Variants in PLCE1 observed in about 807,000 individuals in gnomAD.
The protein encoded by PLCE1 is phospholipase C epsilon 1.
In PLCE1, 119 loss-of-function variants were observed where a neutral mutation model predicts 242.8. The observed-to-expected ratio is 0.49, with a 90% CI of 0.42 to 0.57. PLCE1 has a LOEUF of 0.57. PLCE1 is among the 20% of genes least tolerant of loss of function. The pLI, the probability that PLCE1 is intolerant of heterozygous loss-of-function variation, is 0.00. For synonymous variants in PLCE1, 945 were observed against 1,017.4 expected (o/e 0.93, Z 1.35); for missense variants, 2,441 against 2,788.8 (o/e 0.88, Z 2.81).
At chr10:94,114,384 C>T (rs2046051877) in intron 2 of PLCE1, among the ~76,000 whole-genome samples, 1 of 152,186 alleles carries the variant, frequency 6.6e-6, no homozygotes, top group Admixed American at 6.5e-5. Context: ...ACTGTGTCCA[C>T]CCAGGATCTC....
intron 3 of PLCE1, among the ~76,000 whole-genome samples, chr10:94,159,493 A>G (rs1177717373): frequency 6.6e-6 from 1 of 152,208 alleles, no homozygotes; most frequent in Non-Finnish European, 1.5e-5. Flanking sequence ...GAATTGTACC[A>G]CTAAAGGACT....
intron 22 of PLCE1, among the ~76,000 whole-genome samples, chr10:94,290,833 A>G (rs1432617965): frequency 6.6e-6 from 1 of 152,328 alleles, no homozygotes; most frequent in Middle Eastern, 3.4e-3. Flanking sequence ...TGTTCTGTAC[A>G]TAATTGTATG....
chr10:94,028,139 T>A (rs1259372712), intron 1 of PLCE1, among the ~76,000 whole-genome samples: 1 of 152,234 alleles, frequency 6.6e-6, no homozygotes, highest in Non-Finnish European at 1.5e-5. Flanking sequence ...TATCACTGTG[T>A]AGCATATTAG....
chr10:94,042,078 C>T (rs1255995712), intron 2 of PLCE1, among the ~76,000 whole-genome samples: 1 of 152,160 alleles, frequency 6.6e-6, no homozygotes, highest in Non-Finnish European at 1.5e-5. Context: ...TATAAATTAA[C>T]ACTTCCTCTT....
chr10:94,158,607 GTTA>G (rs904351449), intron 3 of PLCE1, among the ~76,000 whole-genome samples: 14 of 151,918 alleles, frequency 9.2e-5, no homozygotes, highest in Admixed American at 3.9e-4. Flanking sequence ...TTATCACGGT[GTTA>G]TTATAATGGT....
intron 5 of PLCE1, 50 bp downstream of exon 5, chr10:94,227,501 C>T (rs377344014): frequency 6.6e-7 from 1 of 1,526,442 alleles, no homozygotes; most frequent in African/African-American, 1.4e-5. Context: ...CTTCTCATCA[C>T]CTGAATGGCA....
intron 4 of PLCE1, among the ~76,000 whole-genome samples, chr10:94,212,777 A>T (rs565781558): frequency 6.6e-6 from 1 of 152,356 alleles, no homozygotes; most frequent in Admixed American, 6.5e-5. Context: ...TTACCACAAA[A>T]CATTGCTGAT....
intron 2 of PLCE1, among the ~76,000 whole-genome samples, chr10:94,092,363 G>A (rs1400127757): frequency 6.6e-6 from 1 of 152,174 alleles, no homozygotes; most frequent in Non-Finnish European, 1.5e-5. Flanking sequence ...GGCAGGTATT[G>A]TGTGAAATCC....
chr10:94,174,039 C>T (rs1385967091), intron 4 of PLCE1, among the ~76,000 whole-genome samples: 2 of 152,098 alleles, frequency 1.3e-5, no homozygotes, highest in African/African-American at 4.8e-5. Flanking sequence ...ATTAGCATGG[C>T]TTTACATACT....
intron 2 of PLCE1, among the ~76,000 whole-genome samples, chr10:94,045,319 A>G (rs1191153709): frequency 6.6e-6 from 1 of 152,020 alleles, no homozygotes; most frequent in East Asian, 1.9e-4. Flanking sequence ...TATTTTTTGT[A>G]GAGGTAGGGT....
At chr10:94,123,747 A>G (rs1354057256) in intron 2 of PLCE1, among the ~76,000 whole-genome samples, 1 of 152,200 alleles carries the variant, frequency 6.6e-6, no homozygotes. Flanking sequence ...CCAAAGTTAG[A>G]AAAGAGGCTC....
At chr10:94,165,590 A>G (rs1342736548) in intron 3 of PLCE1, among the ~76,000 whole-genome samples, 3 of 152,210 alleles carry the variant, frequency 2.0e-5, no homozygotes. Context: ...GTAACTTACA[A>G]AAAAACAGTA....
At chr10:94,205,096 C>T (rs2049115462) in intron 4 of PLCE1, among the ~76,000 whole-genome samples, 1 of 152,128 alleles carries the variant, frequency 6.6e-6, no homozygotes, top group Admixed American at 6.5e-5. Context: ...ATTGCCTTAG[C>T]CAAGCTTTTG....
chr10:94,301,905 A>AT, intron 24 of PLCE1, among the ~76,000 whole-genome samples: 1 of 144,938 alleles, frequency 6.9e-6, no homozygotes, highest in South Asian at 2.2e-4. Context: ...TGAATGACAG[A>AT]CTTCCAATCC....
rs559496577 is a variant in PLCE1 at position 94,071,495 on chromosome 10, G to GTTTTTTTTTTTTTTTTTTTTTTT, written c.1206+39264_1206+39265insTTTTTTTTTTTTTTTTTTTTTTT. ...GTCTGTGTGTGTGTGTTTGGTTTTCGTTTTTTTTTTTTTTTTTTTTTGAGT... is the reference window on the plus strand; with the variant it reads ...GTCTGTGTGTGTGTGTTTGGTTTTCGTTTTTTTTTTTTTTTTTTTTTTTTTTTTTTTTTTTTTTTTTTTTGAGT... On this transcript the variant is annotated intron_variant, in intron 2 of 32. Coordinates refer to ENST00000371380, the MANE Select transcript of PLCE1 (RefSeq NM_016341.4). 3.4e-4 allele frequency among the ~76,000 whole-genome samples: 28 copies of GTTTTTTTTTTTTTTTTTTTTTTT among 83,308 alleles called. 8 individuals are homozygous for GTTTTTTTTTTTTTTTTTTTTTTT. Among genetic ancestry groups the GTTTTTTTTTTTTTTTTTTTTTTT allele is most frequent in the African/African-American group, 1.4e-3 (26 of 18,670 alleles). The allele number at this position is 83,308 out of a possible 152,430, so 54.7% of individuals were successfully genotyped here. A position where few individuals can be genotyped will look rare whatever the true frequency, so the allele number is the denominator to read the frequency against.
rs143470493 is a variant in PLCE1, at chr10:94,219,494, A to G, written c.1810-7812A>G. On this transcript the variant is annotated intron_variant, in intron 4 of 32. Coordinates refer to ENST00000371380, the MANE Select transcript of PLCE1 (RefSeq NM_016341.4). ...ATCTTTACAGTTTATGATTCCAACA[A>G]AAAGGTTGTCTCTTTTCCTGATAGC... 1.7e-3 allele frequency among the ~76,000 whole-genome samples: 258 copies of G among 152,296 alleles called. 1 individual carries two copies. Among genetic ancestry groups the G allele is most frequent in the African/African-American group, 5.8e-3 (242 of 41,566 alleles).
At chr10:94,266,094 C>T (rs1240338286) in intron 16 of PLCE1, 136 bp downstream of exon 16, 2 of 803,666 alleles carry the variant, frequency 2.5e-6, no homozygotes, top group Non-Finnish European at 4.1e-6. Context: ...ATGTGAGGAA[C>T]CATGATGTGT....
intron 2 of PLCE1, among the ~76,000 whole-genome samples, chr10:94,110,220 G>T (rs1172814580): frequency 6.6e-6 from 1 of 151,414 alleles, no homozygotes; most frequent in African/African-American, 2.4e-5. Flanking sequence ...CTGCCACCAC[G>T]CCCAGCTAAT....
chr10:94,215,187 G>T lies in PLCE1; in HGVS notation c.1810-12119G>T, dbSNP rs148707696. 4.6e-5 allele frequency among the ~76,000 whole-genome samples: 7 copies of T among 152,292 alleles called. No individual in the cohort carries two copies. In the East Asian group the frequency reaches 5.8e-4, roughly 13 times the overall value. ...GGCAGCTCTGGGGCTGTGAGCTCTA[G>T]GGTAAATGATCCTGCCTTACTTCCT... On this transcript the variant is annotated intron_variant, in intron 4 of 32. Coordinates refer to ENST00000371380, the MANE Select transcript of PLCE1 (RefSeq NM_016341.4).
Sources: gnomAD v4.1 joint callset for allele counts (sites outside exome capture counted in the v4.1 genomes callset) on GRCh38, gnomAD v4.1.1 for gene constraint, MANE v1.5 for transcripts, NCBI Gene and HGNC (gene_info 2026-07-23, HGNC 2026-07-21) for gene names.